Variants in ARHGEF3 observed in about 807,000 individuals in gnomAD.
ARHGEF3 encodes 59.8 kDA protein.
ARHGEF3 carries 28 observed loss-of-function variants against 63.2 expected under a neutral mutation model. That is an observed-to-expected ratio of 0.44 (90% confidence interval 0.33 to 0.61). ARHGEF3 has a LOEUF of 0.61. ARHGEF3 is among the 20% of genes least tolerant of loss of function. The probability of loss-of-function intolerance (pLI) is 0.03; values close to 1 mark genes in which losing one functional copy is unlikely to be tolerated. For synonymous variants in ARHGEF3, 266 were observed against 254.2 expected (o/e 1.05, Z -0.44); for missense variants, 533 against 659.3 (o/e 0.81, Z 2.10).
chr3:57,032,755 C>G (rs1703785049), intron 2 of ARHGEF3, among the ~76,000 whole-genome samples: 1 of 152,196 alleles, frequency 6.6e-6, no homozygotes, highest in African/African-American at 2.4e-5. Flanking sequence ...GGAAATCCAG[C>G]TGAGGGCTCT....
intron 3 of ARHGEF3, among the ~76,000 whole-genome samples, chr3:56,926,520 G>A (rs2042279629): frequency 2.0e-5 from 3 of 152,224 alleles, no homozygotes; most frequent in Admixed American, 2.0e-4. Flanking sequence ...CTGAAAGCCA[G>A]GAATTGTAAT....
At chr3:56,819,249 A>G (rs1417533480) in intron 4 of ARHGEF3, among the ~76,000 whole-genome samples, 1 of 152,218 alleles carries the variant, frequency 6.6e-6, no homozygotes, top group Non-Finnish European at 1.5e-5. Flanking sequence ...CACAGAAGGT[A>G]TGTATCAAGG....
chr3:57,069,085 G>C (rs1219283128), intron 1 of ARHGEF3, among the ~76,000 whole-genome samples: 1 of 151,962 alleles, frequency 6.6e-6, no homozygotes, highest in Non-Finnish European at 1.5e-5. Context: ...ACCACGTCTG[G>C]ATAATTTTTG....
chr3:56,849,391 T>C (rs1199059532), intron 4 of ARHGEF3, among the ~76,000 whole-genome samples: 2 of 152,208 alleles, frequency 1.3e-5, no homozygotes, highest in Non-Finnish European at 1.5e-5. Flanking sequence ...AGTGATAGTC[T>C]CTGGATTCAT....
intron 4 of ARHGEF3, among the ~76,000 whole-genome samples, chr3:56,856,612 GCTACAGCCCTT>G (rs1490622299): frequency 1.4e-5 from 2 of 145,286 alleles, no homozygotes; most frequent in African/African-American, 5.2e-5. Context: ...TCCCTCCTCT[GCTACAGCCCTT>G]CTACAGCCCT....
chr3:56,833,663 C>A (rs137992268), intron 4 of ARHGEF3, among the ~76,000 whole-genome samples: 11 of 152,186 alleles, frequency 7.2e-5, no homozygotes, highest in Admixed American at 7.2e-4. Context: ...TCCCTATACA[C>A]GCCTCCTTCT....
chr3:56,856,617 A>T (rs2039892078), intron 4 of ARHGEF3, among the ~76,000 whole-genome samples: 1 of 148,306 alleles, frequency 6.7e-6, no homozygotes, highest in African/African-American at 2.5e-5. Context: ...CCTCTGCTAC[A>T]GCCCTTCTAC....
chr3:57,039,795 C>A (rs1042860965), intron 1 of ARHGEF3, among the ~76,000 whole-genome samples: 5 of 152,112 alleles, frequency 3.3e-5, no homozygotes, highest in African/African-American at 1.2e-4. Flanking sequence ...CTGAACCAGA[C>A]CCTCCTATAG....
intron 1 of ARHGEF3, among the ~76,000 whole-genome samples, chr3:56,790,035 G>A (rs1179770948): frequency 6.6e-6 from 1 of 152,188 alleles, no homozygotes; most frequent in Non-Finnish European, 1.5e-5. Context: ...GGGAAACAAT[G>A]AACTAATCCA....
intron 1 of ARHGEF3, among the ~76,000 whole-genome samples, chr3:57,040,382 C>T (rs1048634781): frequency 3.3e-5 from 5 of 151,948 alleles, no homozygotes; most frequent in Non-Finnish European, 7.4e-5. Flanking sequence ...GAGGCTGAGG[C>T]AGGAGAATCA....
At chr3:56,743,584 G>A (rs1309418600) in intron 7 of ARHGEF3, among the ~76,000 whole-genome samples, 2 of 152,132 alleles carry the variant, frequency 1.3e-5, no homozygotes, top group East Asian at 3.8e-4. Flanking sequence ...CATAACCTAT[G>A]AGGCAAATTA....
intron 1 of ARHGEF3, among the ~76,000 whole-genome samples, chr3:57,041,335 T>C (rs1704178807): frequency 6.6e-6 from 1 of 152,222 alleles, no homozygotes; most frequent in Non-Finnish European, 1.5e-5. Flanking sequence ...TATTGAATAG[T>C]AGGAAACTGA....
At chr3:56,969,261 T>C (rs1165642468) in intron 2 of ARHGEF3, among the ~76,000 whole-genome samples, 1 of 113,844 alleles carries the variant, frequency 8.8e-6, no homozygotes, top group Non-Finnish European at 1.9e-5. Context: ...AATTCCAGAA[T>C]TAACTAGAGA....
intron 9 of ARHGEF3, among the ~76,000 whole-genome samples, chr3:56,730,480 C>A (rs537094975): frequency 6.6e-6 from 1 of 150,874 alleles, no homozygotes; most frequent in Non-Finnish European, 1.5e-5. Flanking sequence ...TGGGTTCAAG[C>A]AATTCTCCTG....
At chr3:56,885,085 C>T (rs2040876312) in intron 3 of ARHGEF3, among the ~76,000 whole-genome samples, 1 of 152,148 alleles carries the variant, frequency 6.6e-6, no homozygotes, top group African/African-American at 2.4e-5. Context: ...AGAAGGACTG[C>T]ACAGCATAGC....
At position 56,806,996 on chromosome 3, in the gene ARHGEF3, G is replaced by A. The variant is rs537036089; in HGVS notation, c.193-33180C>T. On this transcript the variant is annotated intron_variant, in intron 4 of 12. Transcript: ENST00000338458. ...CCTCCCGGCCTCAAGCAATTTTCCC[G>A]CCTCAGCCTCCTGAGTAGCTGGGAT... Among the ~76,000 whole-genome samples the A allele has an allele frequency of 7.9e-5, 12 of 151,580 alleles. No individual in the cohort carries two copies. In the East Asian group the frequency reaches 1.2e-3, roughly 15 times the overall value.
chr3:56,967,383 AC>A (rs1275379735), intron 2 of ARHGEF3, among the ~76,000 whole-genome samples: 15 of 55,270 alleles, frequency 2.7e-4, no homozygotes, highest in Non-Finnish European at 3.9e-4. Flanking sequence ...TATATATTAT[AC>A]ATATTATATA....
chr3:56,924,602 C>T (rs1485037983), intron 3 of ARHGEF3, among the ~76,000 whole-genome samples: 2 of 152,230 alleles, frequency 1.3e-5, no homozygotes, highest in African/African-American at 4.8e-5. Flanking sequence ...TGATTCATGC[C>T]TCCCCTTTAT....
intron 4 of ARHGEF3, among the ~76,000 whole-genome samples, chr3:56,846,832 C>T (rs1559988310): frequency 6.6e-6 from 1 of 152,146 alleles, no homozygotes; most frequent in Non-Finnish European, 1.5e-5. Flanking sequence ...AAGAATCACC[C>T]ACAAGGATAG....
Sources: allele counts gnomAD v4.1 joint callset (sites outside exome capture counted in the v4.1 genomes callset), GRCh38; gene constraint gnomAD v4.1.1; transcripts MANE v1.5; gene names NCBI Gene and HGNC (gene_info 2026-07-23, HGNC 2026-07-21).